WDR44: variants seen among roughly 807,000 people sequenced by gnomAD.
WDR44 encodes the protein WD repeat domain 44.
In WDR44, 9 loss-of-function variants were observed where a neutral mutation model predicts 65.7. The observed-to-expected ratio is 0.14, with a 90% CI of 0.08 to 0.24. WDR44 has a LOEUF of 0.24. Ranked by LOEUF, WDR44 falls within the 10% of genes least tolerant of loss-of-function variation. The pLI is 1.00. For missense variants in WDR44, 425 were observed against 670.9 expected, an observed-to-expected ratio of 0.63 and a Z score of 4.05; for synonymous variants, 220 against 235.2, an observed-to-expected ratio of 0.94 and a Z score of 0.59.
At chrX:118,432,349 C>CT (rs1224602544) in intron 12 of WDR44, among the ~76,000 whole-genome samples, 2 of 111,489 alleles carry the variant, frequency 1.8e-5, no homozygotes, top group East Asian at 5.6e-4. Context: ...GAAAATCTCT[C>CT]TAGAAGCCTT....
At chrX:118,378,353 G>C in intron 1 of WDR44, 66 bp from the exon 2 acceptor site, 1 of 881,831 alleles carries the variant, frequency 1.1e-6, no homozygotes, top group Non-Finnish European at 1.6e-6. Context: ...TCTGTAGTAA[G>C]TGTATAGAAG....
intron 7 of WDR44, among the ~76,000 whole-genome samples, chrX:118,397,925 C>T (rs1017408188): frequency 5.4e-5 from 6 of 112,096 alleles, no homozygotes; most frequent in Non-Finnish European, 1.1e-4. Flanking sequence ...TTTAAGTTGT[C>T]AGGTCCATCA....
At chrX:118,417,189 T>G (rs1476510168) in intron 12 of WDR44, among the ~76,000 whole-genome samples, 1 of 112,150 alleles carries the variant, frequency 8.9e-6, no homozygotes, top group Non-Finnish European at 1.9e-5. Flanking sequence ...AGTATTGAGA[T>G]GTGAGATACC....
chrX:118,433,371 C>T (rs2057227557), intron 13 of WDR44, among the ~76,000 whole-genome samples: 1 of 110,503 alleles, frequency 9.0e-6, no homozygotes, highest in Non-Finnish European at 1.9e-5. Flanking sequence ...CCCTTGTTTC[C>T]TTCATGGAGG....
chrX:118,362,681 A>C (rs925135216), intron 1 of WDR44, among the ~76,000 whole-genome samples: 1 of 110,036 alleles, frequency 9.1e-6, no homozygotes, highest in African/African-American at 3.3e-5. Context: ...AATCAGATGA[A>C]TATTTATACA....
At chrX:118,356,170 A>C (rs1435813564) in intron 1 of WDR44, among the ~76,000 whole-genome samples, 1 of 112,429 alleles carries the variant, frequency 8.9e-6, no homozygotes, top group African/African-American at 3.2e-5. Flanking sequence ...AATGAAAAGC[A>C]GTATTTTTAT....
chrX:118,372,863 C>G (rs953869034), intron 1 of WDR44, among the ~76,000 whole-genome samples: 1 of 111,735 alleles, frequency 8.9e-6, no homozygotes, highest in Non-Finnish European at 1.9e-5. Flanking sequence ...CTGAGGAGGG[C>G]GGATCGTCTG....
In WDR44 at chrX:118,448,899, T is replaced by C. The variant is rs1329351894; in HGVS notation, c.2654T>C (p.Met885Thr). ...EVLDATPSGI[M>T]KTDNTEVLLS... ...TATTTTTTATACTTTTAAGGTATTATGAAGACAGATAACACAGAAGTTCTT... is the reference window on the plus strand; with the variant it reads ...TATTTTTTATACTTTTAAGGTATTACGAAGACAGATAACACAGAAGTTCTT... Residue 885 changes from methionine to threonine, a missense_variant, in exon 20 of 20, where the codon ATG (methionine) becomes ACG (threonine). This residue lies in a region of WDR44 where 37 missense variants were observed against 40.9 expected (regional missense o/e 0.90). Coordinates refer to ENST00000254029, the MANE Select transcript of WDR44 (RefSeq NM_019045.5). 3.4e-6 allele frequency: 4 copies of C among 1,186,312 alleles called. No homozygotes were observed. In the South Asian group the frequency reaches 7.5e-5, roughly 22 times the overall value.
chrX:118,355,845 A>C (rs2056454061), intron 1 of WDR44, among the ~76,000 whole-genome samples: 1 of 111,497 alleles, frequency 9.0e-6, no homozygotes, highest in Admixed American at 9.6e-5. Flanking sequence ...AGTTCCTATA[A>C]GAGGAGGTAG....
intron 7 of WDR44, among the ~76,000 whole-genome samples, chrX:118,398,037 C>A (rs1317083333): frequency 9.0e-6 from 1 of 111,007 alleles, no homozygotes. Flanking sequence ...AGGAGTTCGA[C>A]ACGAGCCTGG....
intron 1 of WDR44, among the ~76,000 whole-genome samples, chrX:118,366,762 T>G (rs1344826386): frequency 1.8e-5 from 2 of 111,821 alleles, no homozygotes; most frequent in African/African-American, 6.5e-5. Flanking sequence ...AGAGAAATCT[T>G]TGTCCTTTTT....
At chrX:118,432,570 C>T (rs189002712) in intron 12 of WDR44, among the ~76,000 whole-genome samples, 184 of 111,596 alleles carry the variant, frequency 1.6e-3, no homozygotes, top group African/African-American at 5.6e-3. Context: ...TGTGACAGCA[C>T]GATGTCTTCA....
chrX:118,352,352 A>ATATATTTTTTTTTTT (rs1357425730), intron 1 of WDR44, among the ~76,000 whole-genome samples: 3 of 14,224 alleles, frequency 2.1e-4, no homozygotes, highest in Non-Finnish European at 2.1e-4. Flanking sequence ...ATATATATAT[A>ATATATTTTTTTTTTT]TTTTTTTTTT....
chrX:118,431,518 A>G (rs1320691582), intron 12 of WDR44, among the ~76,000 whole-genome samples: 2 of 111,083 alleles, frequency 1.8e-5, no homozygotes, highest in East Asian at 5.7e-4. Flanking sequence ...GGTCAGGCTG[A>G]TCTTGAACTA....
intron 12 of WDR44, among the ~76,000 whole-genome samples, chrX:118,425,872 A>G (rs1032962657): frequency 1.8e-5 from 2 of 111,156 alleles, no homozygotes; most frequent in African/African-American, 6.5e-5. Context: ...CAGGAGTTAG[A>G]GACCTGCCTG....
At chrX:118,356,568 A>G (rs1359555459) in intron 1 of WDR44, among the ~76,000 whole-genome samples, 4 of 110,128 alleles carry the variant, frequency 3.6e-5, no homozygotes, top group Non-Finnish European at 7.6e-5. Context: ...TAGCAGTCAC[A>G]GAGAGTGACT....
At chrX:118,440,204 T>A (rs1358355992) in intron 14 of WDR44, among the ~76,000 whole-genome samples, 2 of 110,236 alleles carry the variant, frequency 1.8e-5, no homozygotes, top group Non-Finnish European at 3.8e-5. Flanking sequence ...CTGATTTAGT[T>A]TAAAGGAGAT....
chrX:118,416,031 C>T (rs2057054433), intron 12 of WDR44, among the ~76,000 whole-genome samples: 1 of 111,551 alleles, frequency 9.0e-6, no homozygotes, highest in African/African-American at 3.3e-5. Flanking sequence ...TGTAATATCT[C>T]CTGTTTCTCT....
intron 1 of WDR44, among the ~76,000 whole-genome samples, chrX:118,375,862 C>A (rs1348539215): frequency 8.9e-6 from 1 of 112,543 alleles, no homozygotes; most frequent in African/African-American, 3.2e-5. Context: ...ACTCCCTCCC[C>A]TAAACTAGAA....
Sources: allele counts gnomAD v4.1 joint callset (sites outside exome capture counted in the v4.1 genomes callset), GRCh38; gene constraint gnomAD v4.1.1; regional missense constraint gnomAD v4.1.1; transcripts MANE v1.5; gene names NCBI Gene and HGNC (gene_info 2026-07-23, HGNC 2026-07-21).